The following RIMS3 variants were observed in gnomAD, a reference collection of about 807,000 sequenced individuals.
The protein encoded by RIMS3 is regulating synaptic membrane exocytosis 3.
Under a neutral mutation model 29.2 loss-of-function variants are expected in RIMS3, and 15 were observed. The observed-to-expected ratio is 0.51, with a 90% CI of 0.34 to 0.79. The LOEUF (loss-of-function observed/expected upper bound fraction) is 0.79, where lower values mean the gene tolerates loss of function less well. Ranked by LOEUF, RIMS3 falls within the 30% of genes least tolerant of loss-of-function variation. The pLI is 0.01. For synonymous variants in RIMS3, 161 were observed against 170.1 expected (o/e 0.95, Z 0.41); for missense variants, 342 against 421.4 (o/e 0.81, Z 1.65).
intron 1 of RIMS3, among the ~76,000 whole-genome samples, chr1:40,659,837 G>C (rs1642326189): frequency 6.6e-6 from 1 of 152,170 alleles, no homozygotes; most frequent in African/African-American, 2.4e-5. Flanking sequence ...CTGAGGGAGA[G>C]TGGCAGAAGA....
At chr1:40,644,718 A>T (rs1646583044) in intron 2 of RIMS3, among the ~76,000 whole-genome samples, 1 of 152,142 alleles carries the variant, frequency 6.6e-6, no homozygotes, top group East Asian at 1.9e-4. Flanking sequence ...GCTCAGGAAG[A>T]ACCCAACAAG....
chr1:40,665,909 C>T (rs189194825), upstream of RIMS3, among the ~76,000 whole-genome samples: 192 of 152,302 alleles, frequency 1.3e-3, 1 homozygote, highest in African/African-American at 4.5e-3. Context: ...ACTCTCTTGC[C>T]TCCTGCCCGG....
chr1:40,641,301 T>C (rs1429071519), intron 3 of RIMS3, among the ~76,000 whole-genome samples: 1 of 152,204 alleles, frequency 6.6e-6, no homozygotes, highest in Non-Finnish European at 1.5e-5. Flanking sequence ...GATGTGTATG[T>C]CTGTAAAACT....
intron 3 of RIMS3, among the ~76,000 whole-genome samples, chr1:40,637,245 C>T (rs929847971): frequency 3.9e-5 from 6 of 152,152 alleles, no homozygotes; most frequent in Admixed American, 3.3e-4. Flanking sequence ...TGTTCAAGAC[C>T]CCAGCCTGGG....
chr1:40,641,777 C>A lies in RIMS3; in HGVS notation c.149G>T (p.Gly50Val). The A allele has an allele frequency of 3.7e-6, 6 of 1,613,726 alleles. No homozygotes were observed. The highest frequency in any genetic ancestry group is 3.4e-6 in the Non-Finnish European group (4 of 1,179,682). Residue 50 changes from glycine to valine, a missense_variant, in exon 3 of 8, where the codon GGT becomes GTT. Transcript: ENST00000372684. The part of the protein sequence containing the change: ...TTAKKRRSSL[G>V]AKMVAIVGLT... Reference sequence around the variant, plus strand: ...GCCCACGATGGCCACCATCTTGGCACCCAGGCTGCTCCGCCGCTTCTTGGC... The same window carrying A: ...GCCCACGATGGCCACCATCTTGGCAACCAGGCTGCTCCGCCGCTTCTTGGC...
rs1327386042 is a variant in RIMS3 at position 40,628,823 on chromosome 1, C to G, written c.701G>C (p.Gly234Ala). 6.2e-7 allele frequency: 1 copy of G among 1,614,196 alleles called. No individual in the cohort carries two copies. Among genetic ancestry groups the G allele is most frequent in the Non-Finnish European group, 8.5e-7 (1 of 1,180,036 alleles). ...TGTGACACCCACCTGCAGCACCTTG[C>G]CCTGGGGTCCCTCGTCAAAGAGCAG... ...QALLFDEGPQGKVLQVIVWGD... is the reference protein window; with the variant it reads ...QALLFDEGPQAKVLQVIVWGD... Residue 234 changes from glycine to alanine, a missense_variant, in exon 7 of 8, where the codon GGC becomes GCC. Coordinates refer to ENST00000372684, the MANE Select transcript of RIMS3 (RefSeq NM_014747.3).
the RIMS3 span, among the ~76,000 whole-genome samples, chr1:40,685,442 C>T: frequency 6.6e-6 from 1 of 150,464 alleles, no homozygotes; most frequent in Non-Finnish European, 1.5e-5. Flanking sequence ...AGCCATCGCA[C>T]AGTGACGCAG....
intron 3 of RIMS3, 78 bp downstream of exon 3, chr1:40,641,631 C>A: frequency 7.1e-7 from 1 of 1,408,334 alleles, no homozygotes; most frequent in South Asian, 1.3e-5. Flanking sequence ...AGTGCAGACC[C>A]ATCAGGGCAG....
chr1:40,661,100 C>A (rs1380001755), intron 1 of RIMS3, among the ~76,000 whole-genome samples: 1 of 152,136 alleles, frequency 6.6e-6, no homozygotes, highest in Non-Finnish European at 1.5e-5. Context: ...GTAAGCATTG[C>A]TCTGCAGTTG....
In RIMS3 at chr1:40,624,850, G is replaced by A. The variant is rs569848079; in HGVS notation, c.*1667C>T. On this transcript the variant is annotated 3_prime_UTR_variant, in exon 8 of 8. Transcript: ENST00000372684. ...ATTCAGACCCCAAGACCTTTCTACT[G>A]CTACCCCAGGTAGCGTACCCCTGCC... 1.4e-3 allele frequency: 211 copies of A among 152,678 alleles called. 1 individual carries two copies. The highest frequency in any genetic ancestry group is 2.7e-3 in the Non-Finnish European group (187 of 68,022). The allele number at this position is 152,678 out of a possible 1,614,324, so 9.5% of individuals were successfully genotyped here.
chr1:40,649,859 T>A (rs1349669911), intron 1 of RIMS3, among the ~76,000 whole-genome samples: 3 of 152,128 alleles, frequency 2.0e-5, no homozygotes, highest in Non-Finnish European at 4.4e-5. Flanking sequence ...AGGAAACGGG[T>A]AGCCCTCTGA....
the RIMS3 span, among the ~76,000 whole-genome samples, chr1:40,685,845 G>GA: frequency 5.9e-3 from 836 of 140,820 alleles, 5 homozygotes; most frequent in African/African-American, 0.018. Context: ...AACCTTTAAA[G>GA]AAAAAAAAAA....
chr1:40,647,050 T>C, intron 2 of RIMS3, among the ~76,000 whole-genome samples: 1 of 151,960 alleles, frequency 6.6e-6, no homozygotes, highest in Non-Finnish European at 1.5e-5. Flanking sequence ...CCAGCTAATT[T>C]TTGTATTTTT....
At chr1:40,684,320 A>C in the RIMS3 span, among the ~76,000 whole-genome samples, 1 of 152,212 alleles carries the variant, frequency 6.6e-6, no homozygotes, top group Non-Finnish European at 1.5e-5. Flanking sequence ...TGATGTCTTC[A>C]TTCTTAGAAA....
chr1:40,676,907 A>G, the RIMS3 span, among the ~76,000 whole-genome samples: 1 of 152,196 alleles, frequency 6.6e-6, no homozygotes, highest in Non-Finnish European at 1.5e-5. Context: ...GATAATATCT[A>G]TCACTTCTCC....
chr1:40,669,905 T>C (rs988665569), upstream of RIMS3, among the ~76,000 whole-genome samples: 2 of 152,216 alleles, frequency 1.3e-5, no homozygotes, highest in African/African-American at 4.8e-5. Context: ...GAGTCCCTCC[T>C]GATTCCTTCC....
Position 40,626,523 on chromosome 1 carries a change from G to A in RIMS3, c.921C>T (p.Cys307=). The A allele has an allele frequency of 1.2e-6, 2 of 1,605,330 alleles. No homozygotes were observed. The highest frequency in any genetic ancestry group is 1.7e-6 in the Non-Finnish European group (2 of 1,175,812). The change falls in exon 8 of 8, where the codon TGC becomes TGT. Residue 307 remains cysteine, a synonymous_variant. Transcript: ENST00000372684. ...TGGCCTCTTCCTGACATCCTTAAGAGCATGAGGGGCTGGTGGCACTCTCCA... is the reference window on the plus strand; with the variant it reads ...TGGCCTCTTCCTGACATCCTTAAGAACATGAGGGGCTGGTGGCACTCTCCA... ...SSLESATSPS[C]S
At chr1:40,668,829 T>TC (rs996725533), upstream of RIMS3, among the ~76,000 whole-genome samples, 50 of 152,228 alleles carry the variant, frequency 3.3e-4, no homozygotes, top group African/African-American at 1.1e-3. Flanking sequence ...CCCTACCCTG[T>TC]CCCCTCCTGC....
chr1:40,657,431 C>G lies in RIMS3; in HGVS notation c.-207+7963G>C, dbSNP rs1004825788. Among the ~76,000 whole-genome samples, 4 of 152,104 alleles carry G rather than the reference C, an allele frequency of 2.6e-5. No homozygotes were observed. In the South Asian group the frequency reaches 8.3e-4, roughly 32 times the overall value. ...AAAATCTAGCCTGTAAATGCCTAAA[C>G]TGCAGTTTCCTTGTCTGTAAAATGA... is the stretch of plus-strand genomic sequence containing the variant. On this transcript the variant is annotated intron_variant, in intron 1 of 7. Transcript: ENST00000372684.
Sources: allele counts gnomAD v4.1 joint callset (sites outside exome capture counted in the v4.1 genomes callset), GRCh38; gene constraint gnomAD v4.1.1; transcripts MANE v1.5; gene names NCBI Gene and HGNC (gene_info 2026-07-23, HGNC 2026-07-21).